CA4: variants seen among roughly 807,000 people sequenced by gnomAD.
CA4 encodes CA-IV.
In CA4, 24 loss-of-function variants were observed where a neutral mutation model predicts 34.5. The observed-to-expected ratio is 0.70, with a 90% CI of 0.50 to 0.98. CA4 has a LOEUF of 0.98. Ranked by LOEUF, CA4 falls within the 50% of genes least tolerant of loss-of-function variation. CA4 has a pLI of 0.00. For missense variants in CA4, 394 were observed against 396.7 expected, an observed-to-expected ratio of 0.99 and a Z score of 0.06; for synonymous variants, 178 against 170.6, an observed-to-expected ratio of 1.04 and a Z score of -0.34.
At chr17:60,161,870 G>GC (rs2083794059), downstream of CA4, among the ~76,000 whole-genome samples, 1 of 152,028 alleles carries the variant, frequency 6.6e-6, no homozygotes, top group African/African-American at 2.4e-5. Flanking sequence ...GATCTAAGCT[G>GC]CCCCCCAAAG....
chr17:60,175,123 G>C (rs926433401), downstream of CA4, among the ~76,000 whole-genome samples: 2 of 149,640 alleles, frequency 1.3e-5, no homozygotes, highest in Non-Finnish European at 2.9e-5. Flanking sequence ...GGGTTCGAGC[G>C]ATCCTCCCAC....
chr17:60,156,457 C>A, intron 2 of CA4, 103 bp from the exon 3 acceptor site: 3 of 1,177,882 alleles, frequency 2.5e-6, no homozygotes, highest in Non-Finnish European at 3.8e-6. Context: ...CAAAGCGTTT[C>A]TGTGTGGGAA....
At position 60,157,399 on chromosome 17, in the gene CA4, G is replaced by A. The variant is rs754987753; in HGVS notation, c.269-28G>A. On this transcript the variant is annotated intron_variant, in intron 3 of 7. Coordinates refer to ENST00000300900, the MANE Select transcript of CA4 (RefSeq NM_000717.5). ...AGAGGAGGCTGAGGGAGGCTGGTTC[G>A]AGGACTCTGCCCCTTCTGTGCTCCC... 6 of 1,613,862 alleles carry A rather than the reference G, an allele frequency of 3.7e-6. No individual in the cohort carries two copies. In the Admixed American group the frequency reaches 5.0e-5, roughly 13 times the overall value.
At chr17:60,162,371 C>T (rs2083800891), downstream of CA4, among the ~76,000 whole-genome samples, 1 of 152,138 alleles carries the variant, frequency 6.6e-6, no homozygotes, top group Admixed American at 6.5e-5. Context: ...CCCCAGCAGA[C>T]CCCCACCCTG....
chr17:60,168,833 T>A (rs2452542), intron 5 of CA4, among the ~76,000 whole-genome samples: 50,600 of 152,054 alleles, frequency 0.33, 15,269 homozygotes, highest in African/African-American at 0.81. Flanking sequence ...ATCAGTACTT[T>A]GAGGGAGAGT....
chr17:60,170,033 C>T (rs1006111987), intron 5 of CA4, among the ~76,000 whole-genome samples: 5 of 152,194 alleles, frequency 3.3e-5, no homozygotes, highest in African/African-American at 1.2e-4. Context: ...GCTGCAGAGT[C>T]AGGGTTGAAT....
chr17:60,176,053 T>G, the CA4 span, among the ~76,000 whole-genome samples: 1 of 152,102 alleles, frequency 6.6e-6, no homozygotes, highest in Non-Finnish European at 1.5e-5. Context: ...CAACCTTAGG[T>G]GATCCACCTG....
rs2083886076 is a variant in CA4, at chr17:60,168,921, C to G, written c.*179-1630C>G. ...GAGTGACCTTTCACTGAGCCTGAGG[C>G]TGCTATAACCAGGAAAACACAGCCA... On this transcript the variant is annotated intron_variant and NMD_transcript_variant, in intron 5 of 5. Coordinates refer to the CA4 transcript ENST00000586876. 2.0e-5 allele frequency among the ~76,000 whole-genome samples: 3 copies of G among 152,148 alleles called. No homozygotes were observed. In the South Asian group the frequency reaches 6.2e-4, roughly 31 times the overall value.
At chr17:60,157,938 T>A in intron 5 of CA4, 123 bp from the exon 6 acceptor site, 1 of 1,555,220 alleles carries the variant, frequency 6.4e-7, no homozygotes, top group East Asian at 2.4e-5. Context: ...CCGGGCCAGG[T>A]GGGGAGCCCA....
downstream of CA4, among the ~76,000 whole-genome samples, chr17:60,160,451 G>A (rs1202627165): frequency 6.6e-6 from 1 of 152,168 alleles, no homozygotes; most frequent in Non-Finnish European, 1.5e-5. Flanking sequence ...GAGGCAGTGA[G>A]TGCATGGGAG....
chr17:60,175,585 T>C (rs910167089), downstream of CA4, among the ~76,000 whole-genome samples: 5 of 131,418 alleles, frequency 3.8e-5, no homozygotes, highest in African/African-American at 5.8e-5. Context: ...AAAAAAAAAG[T>C]GTGAACCTAG....
At chr17:60,151,950 G>A (rs1011109561) in intron 1 of CA4, among the ~76,000 whole-genome samples, 2 of 151,886 alleles carry the variant, frequency 1.3e-5, no homozygotes, top group African/African-American at 4.8e-5. Context: ...GGAAACACTT[G>A]GGTTGTGCTG....
chr17:60,164,889 C>G (rs2083839844), intron 5 of CA4, among the ~76,000 whole-genome samples: 1 of 152,094 alleles, frequency 6.6e-6, no homozygotes, highest in South Asian at 2.1e-4. Flanking sequence ...CAGACTCACA[C>G]CGGCCTGGGG....
At chr17:60,156,530 A>T (rs368894436) in intron 2 of CA4, 30 bp from the exon 3 acceptor site, 2 of 1,613,492 alleles carry the variant, frequency 1.2e-6, no homozygotes, top group Admixed American at 3.3e-5. Context: ...CAGGCACCCG[A>T]CTCTCAGCCC....
At position 60,156,686 on chromosome 17, in the gene CA4, C is replaced by T. The variant is rs778493161; in HGVS notation, c.239C>T (p.Thr80Met). Residue 80 changes from threonine (T) to methionine (M), a missense_variant, in exon 3 of 8, where the codon ACG (threonine) becomes ATG (methionine). Transcript: ENST00000300900. The part of the protein sequence containing the change: ...FFFSGYDKKQ[T>M]WTVQNNGHSV... Reference sequence around the variant, plus strand: ...TTCTCTGGCTACGATAAGAAGCAAACGTGGACTGTCCAAAATAACGGGCAC... The same window carrying T: ...TTCTCTGGCTACGATAAGAAGCAAATGTGGACTGTCCAAAATAACGGGCAC... 2.7e-5 allele frequency: 43 copies of T among 1,614,150 alleles called. No homozygotes were observed. Among genetic ancestry groups the T allele is most frequent in the Admixed American group, 1.5e-4 (9 of 60,028 alleles).
chr17:60,156,150 C>T (rs527707201), intron 2 of CA4, among the ~76,000 whole-genome samples: 1 of 152,322 alleles, frequency 6.6e-6, no homozygotes, highest in Non-Finnish European at 1.5e-5. Flanking sequence ...AAGCCCTCTC[C>T]ATCCACCTCC....
chr17:60,176,845 A>C, the CA4 span, among the ~76,000 whole-genome samples: 1 of 152,206 alleles, frequency 6.6e-6, no homozygotes, highest in Non-Finnish European at 1.5e-5. Flanking sequence ...ATCAGGCATT[A>C]GATTCTCATA....
Position 60,157,703 on chromosome 17 carries a change from A to C in CA4, c.428A>C (p.His143Pro), listed in dbSNP as rs748608495. 1 of 1,613,986 alleles carries C rather than the reference A, an allele frequency of 6.2e-7. No homozygotes were observed. Among genetic ancestry groups the C allele is most frequent in the East Asian group, 2.2e-5 (1 of 44,880 alleles). The change falls in exon 5 of 8, where the codon CAT (histidine) becomes CCT (proline). Residue 143 changes from histidine to proline, a missense_variant. Transcript: ENST00000300900. ...CACCCCGACCAGATGCACATAGTAC[A>C]TGAGAAAGAGAAGGGGACATCGAGG... ...EHFAMEMHIVHEKEKGTSRNV... is the reference protein window; with the variant it reads ...EHFAMEMHIVPEKEKGTSRNV...
chr17:60,176,005 G>A, the CA4 span, among the ~76,000 whole-genome samples: 15 of 151,918 alleles, frequency 9.9e-5, no homozygotes, highest in South Asian at 1.5e-3. Flanking sequence ...TAGTAGAGAC[G>A]GGGTTTCTCC....
Sources: gnomAD v4.1 joint callset for allele counts (sites outside exome capture counted in the v4.1 genomes callset) on GRCh38, gnomAD v4.1.1 for gene constraint, MANE v1.5 for transcripts, NCBI Gene and HGNC (gene_info 2026-07-23, HGNC 2026-07-21) for gene names.